ANKRD36: variants seen among roughly 807,000 people sequenced by gnomAD.
The protein encoded by ANKRD36 is ankyrin repeat domain 36, also known as ankyrin repeat domain-containing protein 36A.
ANKRD36 carries 179 observed loss-of-function variants against 278.1 expected under a neutral mutation model. That is an observed-to-expected ratio of 0.64 (90% CI 0.57 to 0.73). The LOEUF (loss-of-function observed/expected upper bound fraction) is 0.73, where lower values mean the gene tolerates loss of function less well. Ranked by LOEUF, ANKRD36 falls within the 30% of genes least tolerant of loss-of-function variation. ANKRD36 has a pLI of 0.00. For missense variants in ANKRD36, 1,159 were observed against 1,956.7 expected (o/e 0.59, Z 7.69); for synonymous variants, 320 against 641.1 (o/e 0.50, Z 7.57).
At chr2:97,211,441 C>T in intron 56 of ANKRD36, 105 bp from the exon 57 acceptor site, 1 of 1,515,322 alleles carries the variant, frequency 6.6e-7, no homozygotes, top group Non-Finnish European at 9.0e-7. Flanking sequence ...AAGGCCTACA[C>T]TAATACAGGC....
At chr2:97,203,261 A>G (rs1327670403) in intron 48 of ANKRD36, among the ~76,000 whole-genome samples, 1 of 151,838 alleles carries the variant, frequency 6.6e-6, no homozygotes. Context: ...ATTAACTCCT[A>G]AAATGCTCAT....
At chr2:97,150,454 T>G (rs1011974641) in intron 12 of ANKRD36, among the ~76,000 whole-genome samples, 6 of 152,274 alleles carry the variant, frequency 3.9e-5, no homozygotes, top group Non-Finnish European at 5.9e-5. Context: ...AAGAAACACT[T>G]TAATAGTTTT....
At chr2:97,201,355 C>G (rs1383952749) in intron 46 of ANKRD36, among the ~76,000 whole-genome samples, 1 of 151,810 alleles carries the variant, frequency 6.6e-6, no homozygotes, top group Non-Finnish European at 1.5e-5. Flanking sequence ...CAAGGGTATT[C>G]TAGAAACAAA....
In ANKRD36 at chr2:97,189,343, T is replaced by A. The variant is rs2058064550; in HGVS notation, c.2245+53T>A. On this transcript the variant is annotated intron_variant, in intron 34 of 75. Transcript: ENST00000420699. ...ATGTTCAATCCAGATAGAAAAGAAC[T>A]TCTCTACCCCGAATAAATCAGCGGA... 5.7e-6 allele frequency: 4 copies of A among 698,120 alleles called. 2 individuals carry two copies. The highest frequency in any genetic ancestry group is 9.8e-6 in the Non-Finnish European group (4 of 409,216). 43.2% of individuals were successfully genotyped at this position (698,120 alleles called of 1,614,324 possible).
In ANKRD36 at chr2:97,207,849, C is replaced by G. The variant is rs1558789741; in HGVS notation, c.3192+10C>G. 1.9e-6 allele frequency: 3 copies of G among 1,546,338 alleles called. No individual in the cohort carries two copies. The highest frequency in any genetic ancestry group is 2.3e-4 in the Middle Eastern group (1 of 4,330). On this transcript the variant is annotated intron_variant, in intron 53 of 75. Transcript: ENST00000420699. ...ACCATCAGGCTTGAAGGTAATGAAA[C>G]TGTCATTTATATTGTGAACTAGTAA...
At chr2:97,202,491 T>A (rs1457150475) in intron 48 of ANKRD36, 98 bp downstream of exon 48, 1 of 1,499,510 alleles carries the variant, frequency 6.7e-7, no homozygotes, top group Admixed American at 2.1e-5. Flanking sequence ...AAGCTGCACT[T>A]TCTGATTCAG....
Position 97,208,007 on chromosome 2 carries a change from G to A in ANKRD36, c.3265+1G>A. Reference sequence around the variant, plus strand: ...AAGTATGGAGAAAAAACTAAGAGAGGTAATTTTGAAAAGAGATTTAATGTC... The same window carrying A: ...AAGTATGGAGAAAAAACTAAGAGAGATAATTTTGAAAAGAGATTTAATGTC... On this transcript the variant is annotated splice_donor_variant, in intron 54 of 75. Coordinates refer to ENST00000420699, the MANE Select transcript of ANKRD36 (RefSeq NM_001354587.1). LOFTEE classifies it high-confidence loss of function. 2 of 1,517,246 alleles carry A rather than the reference G, an allele frequency of 1.3e-6. No individual in the cohort carries two copies. The highest frequency in any genetic ancestry group is 8.9e-7 in the Non-Finnish European group (1 of 1,129,034). 94.0% of individuals were successfully genotyped at this position (1,517,246 alleles called of 1,614,324 possible).
rs1267179866 is a variant in ANKRD36 at position 97,194,917 on chromosome 2, G to C, written c.2551G>C (p.Val851Leu). 9 of 1,547,706 alleles carry C rather than the reference G, an allele frequency of 5.8e-6. No individual in the cohort carries two copies. In the East Asian group the frequency reaches 2.2e-4, roughly 38 times the overall value. The change falls in exon 40 of 76, where the codon GTG becomes CTG. Residue 851 changes from valine to leucine, a missense_variant and splice_region_variant. Physicochemically the swap from Val to Leu is conservative, Grantham distance 32. Transcript: ENST00000420699. ...GKKDGEISRK[V>L]SSQKPPTLKG... The stretch of plus-strand genomic sequence containing the variant: ...AAAGGATGGAGAAATATCTAGGAAA[G>C]GTAATTTTGCGAAACACATTTAATG...
chr2:97,203,070 G>C (rs2153601914), intron 48 of ANKRD36, among the ~76,000 whole-genome samples: 1 of 151,938 alleles, frequency 6.6e-6, no homozygotes, highest in East Asian at 2.0e-4. Flanking sequence ...TTAGGCATCA[G>C]AGATACATGT....
At chr2:97,225,362 G>A (rs2069104051) in intron 67 of ANKRD36, among the ~76,000 whole-genome samples, 1 of 152,086 alleles carries the variant, frequency 6.6e-6, no homozygotes, top group African/African-American at 2.4e-5. Flanking sequence ...TATGTTCAGG[G>A]AGAGAATGCG....
At chr2:97,193,814 C>G (rs182256309) in intron 38 of ANKRD36, among the ~76,000 whole-genome samples, 276 of 151,672 alleles carry the variant, frequency 1.8e-3, no homozygotes, top group African/African-American at 6.2e-3. Context: ...GGAGCTACCT[C>G]TTGGATAAAA....
chr2:97,152,079 A>G (rs956636387), intron 13 of ANKRD36, 140 bp downstream of exon 13: 65 of 691,092 alleles, frequency 9.4e-5, no homozygotes, highest in Admixed American at 5.8e-5. Context: ...TGCAGTTTCC[A>G]TCTCCTGGGT....
chr2:97,199,244 A>G (rs1221418848), intron 44 of ANKRD36, among the ~76,000 whole-genome samples: 2 of 151,862 alleles, frequency 1.3e-5, no homozygotes, highest in African/African-American at 2.4e-5. Flanking sequence ...GATTTTGGCT[A>G]CTCCAGGAAC....
At chr2:97,139,329 A>G (rs891454800) in intron 6 of ANKRD36, among the ~76,000 whole-genome samples, 33 of 152,156 alleles carry the variant, frequency 2.2e-4, no homozygotes, top group African/African-American at 4.8e-4. Flanking sequence ...AATCACCCAA[A>G]TGCACATTAA....
chr2:97,193,636 G>T (rs1162993736), intron 38 of ANKRD36, among the ~76,000 whole-genome samples: 1 of 151,412 alleles, frequency 6.6e-6, no homozygotes, highest in Non-Finnish European at 1.5e-5. Context: ...TTTGCTTTTG[G>T]CTACTCCAGG....
chr2:97,202,917 C>G (rs1028223503), intron 48 of ANKRD36, among the ~76,000 whole-genome samples: 1 of 151,692 alleles, frequency 6.6e-6, no homozygotes, highest in Non-Finnish European at 1.5e-5. Flanking sequence ...GCTGAGGAAA[C>G]CTGAGTGAAC....
In ANKRD36 at chr2:97,113,307, C is replaced by A. The variant is rs1048067773; in HGVS notation, c.-433C>A. 2.0e-5 allele frequency among the ~76,000 whole-genome samples: 3 copies of A among 152,172 alleles called. No individual in the cohort carries two copies. Among genetic ancestry groups the A allele is most frequent in the Admixed American group, 6.5e-5 (1 of 15,268 alleles). ...CTGTGGGCCCAGCGGTGGCACCAGGCGGAGAAGCACCACTCAACCCCATCC... is the reference window on the plus strand; with the variant it reads ...CTGTGGGCCCAGCGGTGGCACCAGGAGGAGAAGCACCACTCAACCCCATCC... On this transcript the variant is annotated 5_prime_UTR_variant, in exon 1 of 76. Transcript: ENST00000420699.
In ANKRD36 at chr2:97,113,187, GTGCGCTGGCTGC is replaced by G. The variant is rs1477969525; in HGVS notation, c.-552_-541del. On this transcript the variant is annotated 5_prime_UTR_variant, in exon 1 of 76. Coordinates refer to ENST00000420699, the MANE Select transcript of ANKRD36 (RefSeq NM_001354587.1). ...CGAGCTGCAGTGCCGCCTACAAGTG[GTGCGCTGGCTGC>G]AGCTGTGGCAACCCCGGATCCCGTC... Among the ~76,000 whole-genome samples the G allele has an allele frequency of 6.6e-6, 1 of 152,094 alleles. No individual in the cohort carries two copies. Among genetic ancestry groups the G allele is most frequent in the Admixed American group, 6.6e-5 (1 of 15,258 alleles).
At chr2:97,200,562 C>G in intron 46 of ANKRD36, 37 bp downstream of exon 46, 2 of 1,535,646 alleles carry the variant, frequency 1.3e-6, no homozygotes, top group South Asian at 1.2e-5. Flanking sequence ...CATGTTCAGT[C>G]CAGATAAGAA....
Sources: allele counts gnomAD v4.1 joint callset (sites outside exome capture counted in the v4.1 genomes callset), GRCh38; gene constraint gnomAD v4.1.1; transcripts MANE v1.5; gene names NCBI Gene and HGNC (gene_info 2026-07-23, HGNC 2026-07-21).